The following ERN1 variants were observed in gnomAD, a reference collection of about 807,000 sequenced individuals.
ERN1 encodes the protein endoplasmic reticulum to nucleus signaling 1, also known as serine/threonine-protein kinase/endoribonuclease IRE1.
ERN1 carries 39 observed loss-of-function variants against 113.1 expected under a neutral mutation model. The ratio of observed to expected loss-of-function variants is 0.34; its 90% CI spans 0.27 to 0.45. The LOEUF (loss-of-function observed/expected upper bound fraction) is 0.45, where lower values mean the gene tolerates loss of function less well. Ranked by LOEUF, ERN1 falls within the 20% of genes least tolerant of loss-of-function variation. The pLI is 1.00. For synonymous variants in ERN1, 507 were observed against 515.9 expected (o/e 0.98, Z 0.23); for missense variants, 976 against 1,274.8 (o/e 0.77, Z 3.57).
intron 10 of ERN1, among the ~76,000 whole-genome samples, chr17:64,061,903 G>A (rs947918307): frequency 8.5e-5 from 13 of 152,222 alleles, no homozygotes; most frequent in Non-Finnish European, 1.9e-4. Context: ...TGTCTGGTAG[G>A]ACACCTGCCA....
chr17:64,066,296 A>G (rs1057087054), intron 8 of ERN1, among the ~76,000 whole-genome samples: 3 of 152,136 alleles, frequency 2.0e-5, no homozygotes, highest in Non-Finnish European at 4.4e-5. Flanking sequence ...TCTCTTTCCT[A>G]TACCTTTATT....
chr17:64,088,854 C>T (rs544699276), intron 2 of ERN1, among the ~76,000 whole-genome samples: 130 of 152,274 alleles, frequency 8.5e-4, no homozygotes, highest in Non-Finnish European at 1.5e-3. Flanking sequence ...GAAAAAATGT[C>T]ACTGTGTTCA....
At chr17:64,057,067 A>G (rs1468708908) in intron 12 of ERN1, among the ~76,000 whole-genome samples, 3 of 152,240 alleles carry the variant, frequency 2.0e-5, no homozygotes, top group Non-Finnish European at 4.4e-5. Flanking sequence ...AAGTAAAGGG[A>G]TGGCCACACT....
Position 64,054,907 on chromosome 17 carries a change from TC to T in ERN1, c.1673-80del, listed in dbSNP as rs574507132. 230 of 1,081,318 alleles carry T rather than the reference TC, an allele frequency of 2.1e-4. 3 individuals carry two copies. In the East Asian group the frequency reaches 5.9e-3, roughly 28 times the overall value. 67.0% of individuals were successfully genotyped at this position (1,081,318 alleles called of 1,614,324 possible). A position where few individuals can be genotyped will look rare whatever the true frequency, so the allele number is the denominator to read the frequency against. ...CTTGAGGTTAACATAGTGACAAGCT[TC>T]CTGACCTCAGATTAAAAGATGGGAT... On this transcript the variant is annotated intron_variant, in intron 13 of 21. Coordinates refer to ENST00000433197, the MANE Select transcript of ERN1 (RefSeq NM_001433.5). This position sits in a 1 kb window ranked among gnomAD's most constrained non-coding sequence, Gnocchi z 4.9.
chr17:64,071,165 C>A (rs1306719356), intron 6 of ERN1, among the ~76,000 whole-genome samples: 1 of 152,166 alleles, frequency 6.6e-6, no homozygotes, highest in Non-Finnish European at 1.5e-5. Context: ...GAGATGGCTG[C>A]CACTACAGGC....
At chr17:64,114,744 C>T (rs149209175) in intron 1 of ERN1, among the ~76,000 whole-genome samples, 2 of 151,786 alleles carry the variant, frequency 1.3e-5, no homozygotes, top group South Asian at 2.1e-4. Flanking sequence ...TAAGGTGAGG[C>T]GTGTAATACA....
rs1356467319 is a variant in ERN1, at chr17:64,071,966, AG to A, written c.478+14del. ...GAAACAGGCAGGTTGTAGAAGACAA[AG>A]GTTCATTTCTTACCTGTTCGCCCAA... On this transcript the variant is annotated intron_variant, in intron 6 of 21. Coordinates refer to ENST00000433197, the MANE Select transcript of ERN1 (RefSeq NM_001433.5). The A allele has an allele frequency of 6.4e-7, 1 of 1,554,290 alleles. No homozygotes were observed. Among genetic ancestry groups the A allele is most frequent in the South Asian group, 1.2e-5 (1 of 84,250 alleles).
intron 1 of ERN1, among the ~76,000 whole-genome samples, chr17:64,106,763 C>CACACAA (rs373338585): frequency 7.2e-6 from 1 of 138,460 alleles, no homozygotes; most frequent in South Asian, 2.1e-4. Flanking sequence ...CACACACACA[C>CACACAA]AAGCTCGCTG....
In ERN1 at chr17:64,054,444, G is replaced by C; in HGVS notation, c.1764-5C>G. 6.4e-7 allele frequency: 1 copy of C among 1,553,316 alleles called. No homozygotes were observed. The highest frequency in any genetic ancestry group is 1.2e-5 in the South Asian group (1 of 84,296). The stretch of plus-strand genomic sequence containing the variant: ...TCGCGGTTGTCAAACATGCCCCTGC[G>C]GGATGAGGAGTGGGAGTTGTGTCTG... On this transcript the variant is annotated splice_polypyrimidine_tract_variant and splice_region_variant and intron_variant, in intron 14 of 21. Coordinates refer to ENST00000433197, the MANE Select transcript of ERN1 (RefSeq NM_001433.5). This position sits in a 1 kb window ranked among gnomAD's most constrained non-coding sequence, Gnocchi z 4.9.
chr17:64,051,170 G>A (rs1332348379), intron 17 of ERN1, among the ~76,000 whole-genome samples: 1 of 119,854 alleles, frequency 8.3e-6, no homozygotes, highest in East Asian at 2.5e-4. Context: ...AAAAAAAAAA[G>A]AGAGAGAGAA....
chr17:64,123,397 T>C (rs940876618), intron 1 of ERN1, among the ~76,000 whole-genome samples: 1 of 152,198 alleles, frequency 6.6e-6, no homozygotes, highest in Non-Finnish European at 1.5e-5. Flanking sequence ...CAATAGCTTT[T>C]AGGTACAAAG....
In ERN1 at chr17:64,054,212, C is replaced by CT; in HGVS notation, c.1953+37dup. On this transcript the variant is annotated intron_variant, in intron 15 of 21. Coordinates refer to ENST00000433197, the MANE Select transcript of ERN1 (RefSeq NM_001433.5). This position sits in a 1 kb window ranked among gnomAD's most constrained non-coding sequence, Gnocchi z 4.9. ...ACTTTGGCCTCCCAAAGTGCTATGA[C>CT]TTTAATAAAGTTAACAAAATAAAAA... 6.5e-7 allele frequency: 1 copy of CT among 1,550,374 alleles called. No individual in the cohort carries two copies. Among genetic ancestry groups the CT allele is most frequent in the Non-Finnish European group, 8.7e-7 (1 of 1,145,220 alleles).
intron 1 of ERN1, among the ~76,000 whole-genome samples, chr17:64,114,961 A>G (rs1345941920): frequency 5.9e-5 from 9 of 152,148 alleles, no homozygotes; most frequent in Non-Finnish European, 1.0e-4. Flanking sequence ...TTGCTTCCTA[A>G]GACTCCTCAT....
At chr17:64,103,894 C>G (rs1245588118) in intron 1 of ERN1, among the ~76,000 whole-genome samples, 1 of 152,128 alleles carries the variant, frequency 6.6e-6, no homozygotes, top group Non-Finnish European at 1.5e-5. Context: ...TTGGGACTGA[C>G]TGGTCAGGCA....
intron 9 of ERN1, 29 bp from the exon 10 acceptor site, chr17:64,064,180 A>G: frequency 1.9e-6 from 3 of 1,561,092 alleles, no homozygotes; most frequent in Non-Finnish European, 2.6e-6. Flanking sequence ...GAGGGTCAGG[A>G]GCCCTGGAGG....
At chr17:64,058,240 C>CTTT in intron 11 of ERN1, among the ~76,000 whole-genome samples, 1 of 152,276 alleles carries the variant, frequency 6.6e-6, no homozygotes, top group Admixed American at 6.5e-5. Context: ...TGGAGCAATA[C>CTTT]TTTTGGCAGG....
Position 64,043,110 on chromosome 17 carries a change from G to A in ERN1, c.*878C>T, listed in dbSNP as rs1912391409. ...CCCAGGGCTTTCTCCTGGTGACCAG[G>A]AGGGTCCCATTCGGCGGCCTCCCTC... On this transcript the variant is annotated 3_prime_UTR_variant, in exon 22 of 22. Coordinates refer to ENST00000433197, the MANE Select transcript of ERN1 (RefSeq NM_001433.5). 1 of 152,368 alleles carries A rather than the reference G, an allele frequency of 6.6e-6. No homozygotes were observed. The allele number at this position is 152,368 out of a possible 1,614,324, so 9.4% of individuals were successfully genotyped here.
chr17:64,068,351 G>T, intron 6 of ERN1, 60 bp from the exon 7 acceptor site: 1 of 1,189,864 alleles, frequency 8.4e-7, no homozygotes, highest in Non-Finnish European at 1.2e-6. Context: ...CTACTGAGGT[G>T]TGGTCCTTAT....
chr17:64,080,657 C>G, intron 3 of ERN1, 118 bp downstream of exon 3: 2 of 902,950 alleles, frequency 2.2e-6, no homozygotes, highest in Admixed American at 4.7e-5. Context: ...TTATATGTCA[C>G]TCACTGTTAT....
Sources: gnomAD v4.1 joint callset for allele counts (sites outside exome capture counted in the v4.1 genomes callset) on GRCh38, gnomAD v4.1.1 for gene constraint, Gnocchi (gnomAD v3.1) non-coding constraint, MANE v1.5 for transcripts, NCBI Gene and HGNC (gene_info 2026-07-23, HGNC 2026-07-21) for gene names.